YAF2: variants seen among roughly 807,000 people sequenced by gnomAD.
YAF2 encodes YY1-associated factor 2.
YAF2 carries 7 observed loss-of-function variants against 20.1 expected under a neutral mutation model. The ratio of observed to expected loss-of-function variants is 0.35; its 90% CI spans 0.20 to 0.65. The LOEUF (loss-of-function observed/expected upper bound fraction) is 0.65, where lower values mean the gene tolerates loss of function less well. Ranked by LOEUF, YAF2 falls within the 30% of genes least tolerant of loss-of-function variation. The probability of loss-of-function intolerance (pLI) is 0.69; values close to 1 mark genes in which losing one functional copy is unlikely to be tolerated. For synonymous variants in YAF2, 74 were observed against 76.0 expected, an observed-to-expected ratio of 0.97 and a Z score of 0.14; for missense variants, 151 against 219.2, an observed-to-expected ratio of 0.69 and a Z score of 1.96.
At chr12:42,179,777 C>A (rs2066292712) in intron 2 of YAF2, among the ~76,000 whole-genome samples, 1 of 121,392 alleles carries the variant, frequency 8.2e-6, no homozygotes, top group Non-Finnish European at 1.7e-5. Flanking sequence ...AAGTGAGACC[C>A]TGTCTAAAAG....
At chr12:42,183,859 T>A (rs2066406708) in intron 2 of YAF2, among the ~76,000 whole-genome samples, 3 of 152,230 alleles carry the variant, frequency 2.0e-5, no homozygotes, top group African/African-American at 7.2e-5. Context: ...AATGCCTTGA[T>A]TCAAAGCTTC....
chr12:42,164,567 T>A (rs917583402), intron 2 of YAF2, among the ~76,000 whole-genome samples: 2 of 151,982 alleles, frequency 1.3e-5, no homozygotes, highest in African/African-American at 2.4e-5. Flanking sequence ...TTAAAAACAA[T>A]GACATTCTTT....
chr12:42,237,723 G>T lies in YAF2; in HGVS notation c.28C>A (p.Pro10Thr). 1 of 1,561,820 alleles carries T rather than the reference G, an allele frequency of 6.4e-7. No individual in the cohort carries two copies. The highest frequency in any genetic ancestry group is 1.4e-5 in the African/African-American group (1 of 70,936). Residue 10 changes from proline to threonine, a missense_variant and splice_region_variant, in exon 2 of 4, where the codon CCG becomes ACG. Pro to Thr is a conservative substitution (Grantham distance 38, BLOSUM62 -1). This residue lies in a region of YAF2 where 50 missense variants were observed against 58.3 expected (regional missense o/e 0.86). Coordinates refer to ENST00000534854, the MANE Select transcript of YAF2 (RefSeq NM_005748.6). MGDKKSPTR[P>T]KRQPKPSSDE... ...GAGGACGGCTTCGGCTGCCGCTTCG[G>T]CCTGCAGGACACAACCCGGACACGA...
At chr12:42,237,572 G>T in intron 2 of YAF2, 27 bp downstream of exon 2, 5 of 1,493,194 alleles carry the variant, frequency 3.3e-6, no homozygotes, top group Non-Finnish European at 4.5e-6. Flanking sequence ...GCCGGCCGGC[G>T]GCGCGAGGGG....
At chr12:42,235,550 A>G (rs2068122392) in intron 2 of YAF2, 3 of 1,365,920 alleles carry the variant, frequency 2.2e-6, no homozygotes, top group South Asian at 1.5e-5. Context: ...GCCAAAATCA[A>G]AAGAGAAGAG....
At chr12:42,227,445 C>T (rs2067756696) in intron 2 of YAF2, among the ~76,000 whole-genome samples, 1 of 126,326 alleles carries the variant, frequency 7.9e-6, no homozygotes, top group Non-Finnish European at 1.6e-5. Context: ...AGCGTCTCTG[C>T]CCGGCCGCCC....
At chr12:42,188,773 A>G (rs1397235418) in intron 2 of YAF2, among the ~76,000 whole-genome samples, 4 of 152,166 alleles carry the variant, frequency 2.6e-5, no homozygotes, top group Non-Finnish European at 4.4e-5. Flanking sequence ...AAAAAAAGCA[A>G]AAGTTCACTG....
At chr12:42,161,041 CTG>C (rs36097397) in intron 3 of YAF2, 192,702 of 517,106 alleles carry the variant, frequency 0.37, 37,238 homozygotes, top group South Asian at 0.47. Context: ...AACCAAAAAA[CTG>C]TGACAGCCTA....
intron 2 of YAF2, among the ~76,000 whole-genome samples, chr12:42,236,356 A>C (rs1273046200): frequency 6.6e-6 from 1 of 152,234 alleles, no homozygotes; most frequent in Non-Finnish European, 1.5e-5. Flanking sequence ...TTCTGTTGTA[A>C]TCCCTTAAAT....
At position 42,237,586 on chromosome 12, in the gene YAF2, G is replaced by A. The variant is rs747744966; in HGVS notation, c.152+13C>T. 1.6e-5 allele frequency: 24 copies of A among 1,527,088 alleles called. No individual in the cohort carries two copies. Among genetic ancestry groups the A allele is most frequent in the South Asian group, 2.5e-5 (2 of 81,632 alleles). 94.6% of individuals were successfully genotyped at this position (1,527,088 alleles called of 1,614,324 possible). A position where few individuals can be genotyped will look rare whatever the true frequency, so the allele number is the denominator to read the frequency against. ...CGCCGGCCGGCGGCGCGAGGGGCAG[G>A]CCCGGGACTCACCGGGTGGAGGTGC... On this transcript the variant is annotated intron_variant, in intron 2 of 3. Transcript: ENST00000534854.
chr12:42,178,283 G>T (rs1490131479), intron 2 of YAF2, among the ~76,000 whole-genome samples: 1 of 151,670 alleles, frequency 6.6e-6, no homozygotes, highest in Non-Finnish European at 1.5e-5. Flanking sequence ...CTATACTTGG[G>T]CCCCCACCCA....
chr12:42,208,411 G>C (rs909959692), intron 2 of YAF2, among the ~76,000 whole-genome samples: 2 of 151,840 alleles, frequency 1.3e-5, no homozygotes, highest in Non-Finnish European at 2.9e-5. Flanking sequence ...GGGCGATCGA[G>C]TGAGACTCTG....
At chr12:42,181,998 G>C (rs2066353868) in intron 2 of YAF2, among the ~76,000 whole-genome samples, 1 of 151,886 alleles carries the variant, frequency 6.6e-6, no homozygotes, top group African/African-American at 2.4e-5. Context: ...TCAAATAGTG[G>C]CATGAAACAT....
At chr12:42,237,817 C>A (rs2068227099) in intron 1 of YAF2, 93 bp from the exon 2 acceptor site, 2 of 1,008,148 alleles carry the variant, frequency 2.0e-6, no homozygotes, top group South Asian at 4.6e-5. Context: ...CCCCGCCCCC[C>A]GCCCCAATTC....
intron 2 of YAF2, among the ~76,000 whole-genome samples, chr12:42,197,749 A>C (rs894236105): frequency 6.6e-6 from 1 of 152,220 alleles, no homozygotes; most frequent in African/African-American, 2.4e-5. Context: ...GACTCCAAAT[A>C]ATCTTACCTT....
chr12:42,163,035 A>C (rs1057183400), intron 2 of YAF2, among the ~76,000 whole-genome samples: 1 of 152,212 alleles, frequency 6.6e-6, no homozygotes, highest in African/African-American at 2.4e-5. Context: ...CAGAATCACC[A>C]AGAAGGCTTG....
intron 2 of YAF2, among the ~76,000 whole-genome samples, chr12:42,167,864 C>T (rs1000126663): frequency 3.9e-5 from 6 of 152,030 alleles, no homozygotes; most frequent in Admixed American, 6.6e-5. Context: ...GGAGTGGTGA[C>T]GCAGGCACAT....
intron 2 of YAF2, among the ~76,000 whole-genome samples, chr12:42,219,769 A>T (rs570954543): frequency 2.0e-5 from 3 of 152,204 alleles, no homozygotes; most frequent in Non-Finnish European, 4.4e-5. Flanking sequence ...ATGTGCATAT[A>T]AATAACCTAA....
chr12:42,218,501 T>C (rs2067426141), intron 2 of YAF2, among the ~76,000 whole-genome samples: 1 of 152,134 alleles, frequency 6.6e-6, no homozygotes, highest in Non-Finnish European at 1.5e-5. Flanking sequence ...CTCAAATAAA[T>C]CCCCTTTTTA....
Sources: allele counts gnomAD v4.1 joint callset (sites outside exome capture counted in the v4.1 genomes callset), GRCh38; gene constraint gnomAD v4.1.1; regional missense constraint gnomAD v4.1.1; transcripts MANE v1.5; gene names NCBI Gene and HGNC (gene_info 2026-07-23, HGNC 2026-07-21).